RABGAP1L: variants seen among roughly 807,000 people sequenced by gnomAD.
RABGAP1L encodes RAB GTPase activating protein 1 like.
A neutral mutation model predicts 137.7 loss-of-function variants in RABGAP1L; 63 were observed. The ratio of observed to expected loss-of-function variants is 0.46; its 90% CI spans 0.37 to 0.56. RABGAP1L has a LOEUF of 0.56. Among genes scored for constraint, RABGAP1L ranks in the 20% least tolerant of loss-of-function variants. The probability of loss-of-function intolerance (pLI) is 0.00; values close to 1 mark genes in which losing one functional copy is unlikely to be tolerated. For missense variants in RABGAP1L, 1,095 were observed against 1,244.0 expected (o/e 0.88, Z 1.80); for synonymous variants, 431 against 433.7 (o/e 0.99, Z 0.08).
At chr1:174,920,781 G>A (rs1661662723) in intron 19 of RABGAP1L, among the ~76,000 whole-genome samples, 1 of 152,158 alleles carries the variant, frequency 6.6e-6, no homozygotes, top group South Asian at 2.1e-4. Flanking sequence ...AGGATACAGG[G>A]AGAAGATGGC....
intron 18 of RABGAP1L, among the ~76,000 whole-genome samples, chr1:174,808,654 CT>C (rs1689571079): frequency 6.7e-6 from 1 of 149,692 alleles, no homozygotes; most frequent in South Asian, 2.1e-4. Context: ...GTTTTTCTTT[CT>C]TTCTTTTTTT....
intron 7 of RABGAP1L, 44 bp downstream of exon 7, chr1:174,252,634 A>G: frequency 6.3e-7 from 1 of 1,587,722 alleles, no homozygotes; most frequent in Non-Finnish European, 8.5e-7. Context: ...TTGTATTGAC[A>G]TTGTTACTGT....
At chr1:174,982,411 T>C (rs1465919277) in intron 23 of RABGAP1L, among the ~76,000 whole-genome samples, 4 of 152,246 alleles carry the variant, frequency 2.6e-5, no homozygotes, top group Admixed American at 2.6e-4. Context: ...ACTTTTGTGA[T>C]TGAAAACAGG....
chr1:174,396,322 G>A (rs1647841413), intron 13 of RABGAP1L, among the ~76,000 whole-genome samples: 1 of 151,928 alleles, frequency 6.6e-6, no homozygotes, highest in Non-Finnish European at 1.5e-5. Context: ...TTTATGTTAT[G>A]TTTAACACAA....
At chr1:174,799,965 C>G (rs1573251773) in intron 18 of RABGAP1L, 4 of 891,714 alleles carry the variant, frequency 4.5e-6, no homozygotes, top group East Asian at 1.3e-4. Flanking sequence ...CACACACACA[C>G]ACACACACAC....
intron 12 of RABGAP1L, among the ~76,000 whole-genome samples, chr1:174,388,184 T>A (rs1217110622): frequency 6.6e-6 from 1 of 152,084 alleles, no homozygotes; most frequent in Non-Finnish European, 1.5e-5. Context: ...ACAGTATATA[T>A]GCTCAGTGAA....
At chr1:174,600,508 C>T (rs1230866379) in intron 13 of RABGAP1L, among the ~76,000 whole-genome samples, 1 of 152,154 alleles carries the variant, frequency 6.6e-6, no homozygotes, top group South Asian at 2.1e-4. Flanking sequence ...TTCCTAGATA[C>T]AATGGGGTAC....
chr1:174,748,756 T>C (rs1319540921), intron 17 of RABGAP1L, among the ~76,000 whole-genome samples: 2 of 151,908 alleles, frequency 1.3e-5, no homozygotes, highest in Non-Finnish European at 2.9e-5. Context: ...ATGCCTGTAG[T>C]TCCAGCTACT....
chr1:174,847,172 T>G (rs1464195029), intron 19 of RABGAP1L, among the ~76,000 whole-genome samples: 5 of 150,060 alleles, frequency 3.3e-5, no homozygotes, highest in Admixed American at 3.3e-4. Flanking sequence ...GGGTCTTGAC[T>G]CTTTATCCAA....
At chr1:174,911,852 A>T (rs1660106591) in intron 19 of RABGAP1L, among the ~76,000 whole-genome samples, 1 of 152,306 alleles carries the variant, frequency 6.6e-6, no homozygotes, top group East Asian at 1.9e-4. Flanking sequence ...TATCCAAATG[A>T]AACAGATGAC....
intron 1 of RABGAP1L, among the ~76,000 whole-genome samples, chr1:174,216,603 C>T (rs1182934919): frequency 2.1e-5 from 3 of 145,020 alleles, no homozygotes; most frequent in Non-Finnish European, 3.0e-5. Flanking sequence ...TTTTTTTGTC[C>T]ATGTGGTATA....
At chr1:174,488,934 G>C (rs1304853671) in intron 13 of RABGAP1L, among the ~76,000 whole-genome samples, 20 of 102,546 alleles carry the variant, frequency 2.0e-4, no homozygotes, top group African/African-American at 8.2e-4. Flanking sequence ...CCCCACAACA[G>C]GTCCCAGTGT....
In RABGAP1L at chr1:174,994,644, A is replaced by C. The variant is rs564943820; in HGVS notation, c.*4643A>C. On this transcript the variant is annotated 3_prime_UTR_variant, in exon 26 of 26. Coordinates refer to ENST00000681986, the MANE Select transcript of RABGAP1L (RefSeq NM_001366446.1). Reference sequence around the variant, plus strand: ...TGTGAGAATATAAATGCATCGAAAGACTCTGGTGTCATGAAAGCACAAGAA... The same window carrying C: ...TGTGAGAATATAAATGCATCGAAAGCCTCTGGTGTCATGAAAGCACAAGAA... 6.6e-5 allele frequency: 10 copies of C among 152,280 alleles called. No homozygotes were observed. The highest frequency in any genetic ancestry group is 1.0e-4 in the Non-Finnish European group (7 of 68,020). 9.4% of individuals were successfully genotyped at this position (152,280 alleles called of 1,614,324 possible). A position where few individuals can be genotyped will look rare whatever the true frequency, so the allele number is the denominator to read the frequency against.
chr1:174,720,866 A>G (rs1681473791), intron 17 of RABGAP1L, among the ~76,000 whole-genome samples: 1 of 152,234 alleles, frequency 6.6e-6, no homozygotes, highest in South Asian at 2.1e-4. Context: ...TTGCAAATAT[A>G]CTAAAAACCA....
chr1:174,162,830 T>C (rs1308073860), intron 1 of RABGAP1L, among the ~76,000 whole-genome samples: 2 of 136,236 alleles, frequency 1.5e-5, no homozygotes, highest in Non-Finnish European at 3.1e-5. Flanking sequence ...TTAGGGTACA[T>C]GTGCACATTG....
intron 3 of RABGAP1L, among the ~76,000 whole-genome samples, chr1:174,229,685 G>T (rs1284456492): frequency 6.6e-6 from 1 of 152,168 alleles, no homozygotes; most frequent in Non-Finnish European, 1.5e-5. Context: ...ATTTGGGTTG[G>T]TTCCAAGTCT....
At chr1:174,174,186 GAAA>G (rs1429577034) in intron 1 of RABGAP1L, among the ~76,000 whole-genome samples, 2 of 128,690 alleles carry the variant, frequency 1.6e-5, no homozygotes, top group East Asian at 2.6e-4. Context: ...GAAGAAATTG[GAAA>G]AAAAATACAC....
chr1:174,684,328 G>T (rs1220900773), intron 15 of RABGAP1L, among the ~76,000 whole-genome samples: 1 of 152,142 alleles, frequency 6.6e-6, no homozygotes, highest in Non-Finnish European at 1.5e-5. Flanking sequence ...AATGAGATTG[G>T]AGAAGGTGAG....
chr1:174,540,014 G>T (rs1187369663), intron 13 of RABGAP1L, among the ~76,000 whole-genome samples: 1 of 152,142 alleles, frequency 6.6e-6, no homozygotes, highest in East Asian at 1.9e-4. Context: ...ATCTCATTGT[G>T]GTTTTGATTT....
Sources: gnomAD v4.1 joint callset for allele counts (sites outside exome capture counted in the v4.1 genomes callset) on GRCh38, gnomAD v4.1.1 for gene constraint, MANE v1.5 for transcripts, NCBI Gene and HGNC (gene_info 2026-07-23, HGNC 2026-07-21) for gene names.